The following MLLT3 variants were observed in gnomAD, a reference collection of about 807,000 sequenced individuals.
MLLT3 encodes the protein MLLT3 super elongation complex subunit.
A neutral mutation model predicts 53.2 loss-of-function variants in MLLT3; 4 were observed. The ratio of observed to expected loss-of-function variants is 0.08; its 90% CI spans 0.04 to 0.17. MLLT3 has a LOEUF of 0.17. Among genes scored for constraint, MLLT3 ranks in the 10% least tolerant of loss-of-function variants. The pLI is 1.00. For missense variants in MLLT3, 569 were observed against 684.0 expected, an observed-to-expected ratio of 0.83 and a Z score of 1.87; for synonymous variants, 283 against 230.6, an observed-to-expected ratio of 1.23 and a Z score of -2.06.
intron 2 of MLLT3, among the ~76,000 whole-genome samples, chr9:20,575,485 GT>G (rs1181717421): frequency 2.0e-5 from 3 of 151,972 alleles, no homozygotes; most frequent in African/African-American, 7.3e-5. Flanking sequence ...CATTTATAAT[GT>G]ATACATTCAT....
At chr9:20,592,033 G>A (rs372229656) in intron 2 of MLLT3, among the ~76,000 whole-genome samples, 157 of 152,134 alleles carry the variant, frequency 1.0e-3, no homozygotes, top group Non-Finnish European at 1.7e-3. Flanking sequence ...TTAGTGAGCC[G>A]CCAACCTATA....
At chr9:20,515,675 T>C (rs926101500) in intron 2 of MLLT3, among the ~76,000 whole-genome samples, 1 of 152,196 alleles carries the variant, frequency 6.6e-6, no homozygotes, top group African/African-American at 2.4e-5. Flanking sequence ...ATTATTTTTC[T>C]TTCTTTGGAT....
intron 8 of MLLT3, among the ~76,000 whole-genome samples, chr9:20,355,748 A>C (rs1012774537): frequency 3.3e-5 from 5 of 152,348 alleles, no homozygotes; most frequent in Middle Eastern, 3.4e-3. Flanking sequence ...TTTTCATTAT[A>C]ACTCATTATG....
At chr9:20,362,393 A>G (rs1243661154) in intron 7 of MLLT3, among the ~76,000 whole-genome samples, 1 of 152,234 alleles carries the variant, frequency 6.6e-6, no homozygotes, top group Non-Finnish European at 1.5e-5. Flanking sequence ...TTTGGTTGGT[A>G]TAAGTAAGCT....
intron 2 of MLLT3, among the ~76,000 whole-genome samples, chr9:20,491,824 G>A (rs538441019): frequency 6.6e-6 from 1 of 152,100 alleles, no homozygotes. Context: ...TTTTCACCAT[G>A]AATTGTTGAC....
chr9:20,413,286 T>C (rs1016485971), intron 5 of MLLT3, among the ~76,000 whole-genome samples: 1 of 152,202 alleles, frequency 6.6e-6, no homozygotes, highest in Non-Finnish European at 1.5e-5. Flanking sequence ...AACATGTTAC[T>C]TCATTCCAAT....
At chr9:20,384,087 A>C (rs1225456412) in intron 5 of MLLT3, among the ~76,000 whole-genome samples, 1 of 152,070 alleles carries the variant, frequency 6.6e-6, no homozygotes. Context: ...CACTTAAAGA[A>C]AATAATAATA....
rs559667368 is a variant in MLLT3, at chr9:20,599,513, T to C, written c.193+21141A>G. Among the ~76,000 whole-genome samples, 8 of 150,238 alleles carry C rather than the reference T, an allele frequency of 5.3e-5. No homozygotes were observed. The East Asian group carries it at 9.8e-4, about 18-fold the overall frequency. On this transcript the variant is annotated intron_variant, in intron 2 of 10. Transcript: ENST00000380338. ...CTCTCATGTTTCTCCCCATTGTCCA[T>C]GGTAAACATAACCAAGAACTGAATA...
At chr9:20,591,241 A>G (rs1354949005) in intron 2 of MLLT3, among the ~76,000 whole-genome samples, 1 of 152,170 alleles carries the variant, frequency 6.6e-6, no homozygotes, top group African/African-American at 2.4e-5. Context: ...TAGGAAGAAG[A>G]GTAAGTTCCT....
At chr9:20,378,952 G>C (rs1192756613) in intron 5 of MLLT3, among the ~76,000 whole-genome samples, 1 of 152,138 alleles carries the variant, frequency 6.6e-6, no homozygotes, top group East Asian at 1.9e-4. Flanking sequence ...TCCAGAATAG[G>C]AGGAATGCTG....
intron 3 of MLLT3, among the ~76,000 whole-genome samples, chr9:20,449,945 T>C (rs1285811423): frequency 1.3e-5 from 2 of 152,206 alleles, no homozygotes; most frequent in Non-Finnish European, 2.9e-5. Context: ...CAGTTCCACC[T>C]GTGTGACAGT....
rs986963704 is a variant in MLLT3 at position 20,344,575 on chromosome 9, G to A, written c.*1868C>T. On this transcript the variant is annotated 3_prime_UTR_variant, in exon 11 of 11. Transcript: ENST00000380338. Reference sequence around the variant, plus strand: ...GCTTCAAGTACGGTTCATGCCAATCGTCATTAAGAATCATAACATTATTGA... The same window carrying A: ...GCTTCAAGTACGGTTCATGCCAATCATCATTAAGAATCATAACATTATTGA... 9.4e-5 allele frequency: 20 copies of A among 212,280 alleles called. No individual in the cohort carries two copies. The highest frequency in any genetic ancestry group is 1.4e-4 in the Non-Finnish European group (15 of 104,668). The allele number at this position is 212,280 out of a possible 1,614,324, so 13.1% of individuals were successfully genotyped here.
At chr9:20,597,426 T>C (rs1319327003) in intron 2 of MLLT3, among the ~76,000 whole-genome samples, 1 of 152,090 alleles carries the variant, frequency 6.6e-6, no homozygotes, top group East Asian at 1.9e-4. Flanking sequence ...AAATAGATCA[T>C]CCTTGTCCCA....
chr9:20,506,558 C>G (rs1281670952), intron 2 of MLLT3, among the ~76,000 whole-genome samples: 1 of 152,024 alleles, frequency 6.6e-6, no homozygotes, highest in Non-Finnish European at 1.5e-5. Flanking sequence ...AGATTTCTGG[C>G]GTTGACTCAT....
chr9:20,547,824 C>A (rs1414307906), intron 2 of MLLT3, among the ~76,000 whole-genome samples: 9 of 152,066 alleles, frequency 5.9e-5, no homozygotes, highest in Admixed American at 5.9e-4. Context: ...TGGTAGTGCA[C>A]ACCTATAGTC....
chr9:20,443,397 G>A (rs954845085), intron 4 of MLLT3, among the ~76,000 whole-genome samples: 7 of 152,066 alleles, frequency 4.6e-5, no homozygotes, highest in African/African-American at 1.4e-4. Flanking sequence ...CCTTTAATCC[G>A]CTAAAAATTC....
Position 20,343,214 on chromosome 9 carries a change from A to AAAAAAAAAAAAAAAAAAAT in MLLT3, c.*3228_*3229insATTTTTTTTTTTTTTTTTT, listed in dbSNP as rs56934102. ...AAAAAAAAAAAAAAAAAAAAAAAAAATTTTGAAGAAACTTTTTAGTGGAAG... is the reference window on the plus strand; with the variant it reads ...AAAAAAAAAAAAAAAAAAAAAAAAAAAAAAAAAAAAAAAAAAAATTTTTGAAGAAACTTTTTAGTGGAAG... On this transcript the variant is annotated 3_prime_UTR_variant, in exon 11 of 11. Coordinates refer to ENST00000380338, the MANE Select transcript of MLLT3 (RefSeq NM_004529.4). The AAAAAAAAAAAAAAAAAAAT allele has an allele frequency of 5.2e-5, 6 of 115,058 alleles. 1 individual carries two copies. Among genetic ancestry groups the AAAAAAAAAAAAAAAAAAAT allele is most frequent in the African/African-American group, 4.0e-4 (6 of 14,930 alleles). 7.1% of individuals were successfully genotyped at this position (115,058 alleles called of 1,614,324 possible). A position where few individuals can be genotyped will look rare whatever the true frequency, so the allele number is the denominator to read the frequency against.
intron 5 of MLLT3, among the ~76,000 whole-genome samples, chr9:20,397,329 C>A (rs1402325691): frequency 2.0e-5 from 3 of 152,076 alleles, no homozygotes; most frequent in African/African-American, 7.2e-5. Context: ...TGATACATAT[C>A]TTTGGGAACA....
At chr9:20,473,890 T>C (rs1043941635) in intron 2 of MLLT3, among the ~76,000 whole-genome samples, 1 of 152,158 alleles carries the variant, frequency 6.6e-6, no homozygotes, top group African/African-American at 2.4e-5. Flanking sequence ...CTGTACTTTC[T>C]AGTCACTGCA....
Sources: gnomAD v4.1 joint callset for allele counts (sites outside exome capture counted in the v4.1 genomes callset) on GRCh38, gnomAD v4.1.1 for gene constraint, MANE v1.5 for transcripts, NCBI Gene and HGNC (gene_info 2026-07-23, HGNC 2026-07-21) for gene names.